NUSAP1: variants seen among roughly 807,000 people sequenced by gnomAD.
NUSAP1 encodes nucleolar and spindle associated protein 1, also known as nucleolar and spindle-associated protein 1.
In NUSAP1, 32 loss-of-function variants were observed where a neutral mutation model predicts 52.8. The observed-to-expected ratio is 0.61, with a 90% CI of 0.46 to 0.81. The LOEUF is 0.81. Among genes scored for constraint, NUSAP1 ranks in the 40% least tolerant of loss-of-function variants. The pLI is 0.00. For synonymous variants in NUSAP1, 195 were observed against 183.1 expected, an observed-to-expected ratio of 1.06 and a Z score of -0.52; for missense variants, 499 against 522.3, an observed-to-expected ratio of 0.96 and a Z score of 0.43.
intron 6 of NUSAP1, among the ~76,000 whole-genome samples, chr15:41,359,892 G>A (rs12324291): frequency 0.087 from 13,226 of 151,564 alleles, 730 homozygotes; most frequent in African/African-American, 0.16. Context: ...CTCCCAAAGT[G>A]CTGGTATTAC....
intron 9 of NUSAP1, among the ~76,000 whole-genome samples, chr15:41,376,107 T>C (rs1595609433): frequency 6.6e-6 from 1 of 151,726 alleles, no homozygotes; most frequent in Middle Eastern, 3.2e-3. Flanking sequence ...AATAAACAAA[T>C]TCTGCGGCCG....
Position 41,349,149 on chromosome 15 carries a change from A to C in NUSAP1, c.214A>C (p.Ser72Arg). 6.2e-7 allele frequency: 1 copy of C among 1,613,976 alleles called. No individual in the cohort carries two copies. Among genetic ancestry groups the C allele is most frequent in the Non-Finnish European group, 8.5e-7 (1 of 1,179,830 alleles). The change falls in exon 3 of 11, where the codon AGC becomes CGC. Residue 72 changes from serine to arginine, a missense_variant. Physicochemically the swap from Ser to Arg is moderately radical, Grantham distance 110 (BLOSUM62 -1). Coordinates refer to ENST00000559596, the MANE Select transcript of NUSAP1 (RefSeq NM_016359.5). ...TTGTGATGAGACTGAGATACAGATC[A>C]GCAACCAGGAAGAAGCTGAGAGACA... is the stretch of plus-strand genomic sequence containing the variant. ...SSCDETEIQI[S>R]NQEEAERQPL...
At chr15:41,368,800 T>G (rs750439634) in intron 7 of NUSAP1, among the ~76,000 whole-genome samples, 17 of 137,654 alleles carry the variant, frequency 1.2e-4, no homozygotes, top group Non-Finnish European at 2.0e-4. Context: ...TGGCGCAATC[T>G]CGGCTCACTA....
In NUSAP1 at chr15:41,371,696, AAAAAAC is replaced by A. The variant is rs779945675; in HGVS notation, c.1006+17_1006+22del. Reference sequence around the variant, plus strand: ...GAATTCTGCTGCTGGTAAAAAAAAAAAAAAACAAAAGAAATCTGTTTCATTTTTAAG... The same window carrying A: ...GAATTCTGCTGCTGGTAAAAAAAAAAAAAAGAAATCTGTTTCATTTTTAAG... On this transcript the variant is annotated intron_variant, in intron 8 of 10. Coordinates refer to ENST00000559596, the MANE Select transcript of NUSAP1 (RefSeq NM_016359.5). 29 of 1,578,966 alleles carry A rather than the reference AAAAAAC, an allele frequency of 1.8e-5. No homozygotes were observed. Among genetic ancestry groups the A allele is most frequent in the Non-Finnish European group, 2.3e-5 (27 of 1,170,402 alleles).
Position 41,351,117 on chromosome 15 carries a change from G to C in NUSAP1, c.436G>C (p.Ala146Pro). The C allele has an allele frequency of 6.2e-7, 1 of 1,611,480 alleles. No homozygotes were observed. The highest frequency in any genetic ancestry group is 1.1e-5 in the South Asian group (1 of 90,324). The stretch of plus-strand genomic sequence containing the variant: ...AGACGAGCACCAAGAAGCTGAGAAT[G>C]CTGTTTCCTCAGGTAAACGTGGAAT... ...PPDEHQEAENAVSSGNRDSKV... is the reference protein window; with the variant it reads ...PPDEHQEAENPVSSGNRDSKV... Residue 146 changes from alanine (A) to proline (P), a missense_variant, in exon 4 of 11, where the codon GCT (alanine) becomes CCT (proline). By Grantham distance (27) the Ala-to-Pro change is conservative. Coordinates refer to ENST00000559596, the MANE Select transcript of NUSAP1 (RefSeq NM_016359.5).
intron 1 of NUSAP1, among the ~76,000 whole-genome samples, chr15:41,340,677 A>G (rs1384488227): frequency 6.6e-6 from 1 of 152,194 alleles, no homozygotes; most frequent in Admixed American, 6.5e-5. Flanking sequence ...AGGTATATTA[A>G]GAGAGTATTA....
intron 1 of NUSAP1, 104 bp downstream of exon 1, chr15:41,333,154 G>T (rs904068951): frequency 1.2e-6 from 1 of 808,834 alleles, no homozygotes; most frequent in Admixed American, 2.1e-5. Context: ...GACTGAGGCA[G>T]CTCTCCCTGC....
intron 6 of NUSAP1, among the ~76,000 whole-genome samples, chr15:41,359,170 A>G (rs941224068): frequency 1.3e-5 from 2 of 152,190 alleles, no homozygotes; most frequent in African/African-American, 2.4e-5. Flanking sequence ...GGGTCTCCCT[A>G]TGATTCCCAG....
chr15:41,361,499 T>G (rs2049177907), intron 6 of NUSAP1, among the ~76,000 whole-genome samples: 1 of 152,072 alleles, frequency 6.6e-6, no homozygotes, highest in Admixed American at 6.6e-5. Flanking sequence ...GGCCGAAGGA[T>G]CACTTGAGCC....
intron 8 of NUSAP1, among the ~76,000 whole-genome samples, chr15:41,373,280 G>A (rs1005018402): frequency 6.6e-5 from 10 of 151,486 alleles, no homozygotes; most frequent in African/African-American, 2.4e-4. Flanking sequence ...TGTAATCCCA[G>A]CTACTCACTT....
intron 8 of NUSAP1, among the ~76,000 whole-genome samples, chr15:41,372,248 T>G (rs565426893): frequency 6.6e-6 from 1 of 151,948 alleles, no homozygotes; most frequent in Non-Finnish European, 1.5e-5. Flanking sequence ...ACTGTGCCCC[T>G]TGTGGGACTC....
chr15:41,348,999 G>T, intron 2 of NUSAP1, 99 bp from the exon 3 acceptor site: 2 of 1,215,268 alleles, frequency 1.6e-6, no homozygotes, highest in Non-Finnish European at 2.3e-6. Context: ...TTTTTCTTTT[G>T]CATATGTAAT....
rs756554648 is a variant in NUSAP1 at position 41,371,661 on chromosome 15, CCAT to C, written c.986_988del (p.Ile329del). The C allele has an allele frequency of 3.8e-6, 6 of 1,587,196 alleles. No individual in the cohort carries two copies. The highest frequency in any genetic ancestry group is 5.1e-6 in the Non-Finnish European group (6 of 1,172,878). On this transcript the variant is annotated inframe_deletion, in exon 8 of 11. Coordinates refer to ENST00000559596, the MANE Select transcript of NUSAP1 (RefSeq NM_016359.5). Reference sequence around the variant, plus strand: ...GTGCTTGGGACACACAAATTAAAGACCATCACGGGGAATTCTGCTGCTGGTAAA... The same window carrying C: ...GTGCTTGGGACACACAAATTAAAGACCACGGGGAATTCTGCTGCTGGTAAA...
At chr15:41,378,714 G>A (rs974481234) in intron 10 of NUSAP1, among the ~76,000 whole-genome samples, 2 of 151,932 alleles carry the variant, frequency 1.3e-5, no homozygotes, top group Admixed American at 6.6e-5. Context: ...AGGTTGTGGC[G>A]AGCTGAAATT....
intron 1 of NUSAP1, among the ~76,000 whole-genome samples, chr15:41,340,049 A>G (rs2048319866): frequency 6.6e-6 from 1 of 152,178 alleles, no homozygotes; most frequent in Non-Finnish European, 1.5e-5. Context: ...CTAGGATTAC[A>G]GGCATTAGTC....
At position 41,379,143 on chromosome 15, in the gene NUSAP1, G is replaced by A. The variant is rs889653359; in HGVS notation, c.1233-950G>A. On this transcript the variant is annotated intron_variant, in intron 10 of 10. Transcript: ENST00000559596. ...TAATTTTTGTATTTTTAGTAGAGACGGGGTTTTACCATCTTGGCCAAGCTG... is the reference window on the plus strand; with the variant it reads ...TAATTTTTGTATTTTTAGTAGAGACAGGGTTTTACCATCTTGGCCAAGCTG... Among the ~76,000 whole-genome samples the A allele has an allele frequency of 7.3e-5, 11 of 151,380 alleles. No individual in the cohort carries two copies. The South Asian group carries it at 8.3e-4, about 11-fold the overall frequency.
intron 6 of NUSAP1, among the ~76,000 whole-genome samples, chr15:41,362,372 T>A (rs2049209014): frequency 6.6e-6 from 1 of 151,520 alleles, no homozygotes; most frequent in Non-Finnish European, 1.5e-5. Context: ...TATTTATCTA[T>A]ATTAATGGTA....
chr15:41,333,347 C>G (rs879110000), intron 1 of NUSAP1, among the ~76,000 whole-genome samples: 1 of 152,130 alleles, frequency 6.6e-6, no homozygotes. Flanking sequence ...GTATACCTCT[C>G]AGGGCGTCGA....
chr15:41,371,717 T>G, intron 8 of NUSAP1, 33 bp downstream of exon 8: 1 of 1,566,434 alleles, frequency 6.4e-7, no homozygotes, highest in Non-Finnish European at 8.6e-7. Flanking sequence ...GAAATCTGTT[T>G]CATTTTTAAG....
Sources: allele counts gnomAD v4.1 joint callset (sites outside exome capture counted in the v4.1 genomes callset), GRCh38; gene constraint gnomAD v4.1.1; transcripts MANE v1.5; gene names NCBI Gene and HGNC (gene_info 2026-07-23, HGNC 2026-07-21).